Variants in DSCAM observed in about 807,000 individuals in gnomAD.
DSCAM encodes the protein DS cell adhesion molecule.
DSCAM carries 47 observed loss-of-function variants against 217.7 expected under a neutral mutation model. The observed-to-expected ratio is 0.22, with a 90% CI of 0.17 to 0.28. The LOEUF is 0.28. DSCAM is among the 10% of genes least tolerant of loss of function. The pLI, the probability that DSCAM is intolerant of heterozygous loss-of-function variation, is 1.00. For synonymous variants in DSCAM, 1,056 were observed against 1,015.3 expected (o/e 1.04, Z -0.76); for missense variants, 2,080 against 2,618.3 (o/e 0.79, Z 4.49).
rs149862283 is a variant in DSCAM at position 40,248,177 on chromosome 21, C to T, written c.2356+27920G>A. 2.3e-3 allele frequency among the ~76,000 whole-genome samples: 350 copies of T among 152,290 alleles called. 2 individuals are homozygous for T. The highest frequency in any genetic ancestry group is 7.2e-3 in the African/African-American group (301 of 41,576). On this transcript the variant is annotated intron_variant, in intron 11 of 32. Transcript: ENST00000400454. Reference sequence around the variant, plus strand: ...TATGCCTCCAGGTCTGTGATAAGAACGGCTGCTATGAAGACCTCTGACATG... The same window carrying T: ...TATGCCTCCAGGTCTGTGATAAGAATGGCTGCTATGAAGACCTCTGACATG...
intron 3 of DSCAM, among the ~76,000 whole-genome samples, chr21:40,392,983 C>T (rs971311420): frequency 7.2e-5 from 11 of 152,158 alleles, no homozygotes; most frequent in Non-Finnish European, 1.5e-4. Flanking sequence ...TACACATGTA[C>T]AGAATTATTA....
chr21:40,494,625 A>T (rs970682243), intron 3 of DSCAM, among the ~76,000 whole-genome samples: 17 of 152,100 alleles, frequency 1.1e-4, no homozygotes, highest in Non-Finnish European at 2.1e-4. Flanking sequence ...TCTAATAAAG[A>T]AGTTTTTAAC....
intron 1 of DSCAM, among the ~76,000 whole-genome samples, chr21:40,803,289 A>C (rs1256990636): frequency 3.3e-5 from 5 of 152,166 alleles, no homozygotes; most frequent in Admixed American, 1.3e-4. Flanking sequence ...TGACGTTCTC[A>C]TTGCCTCTGT....
At chr21:40,229,208 T>C (rs1336819853) in intron 11 of DSCAM, among the ~76,000 whole-genome samples, 1 of 152,258 alleles carries the variant, frequency 6.6e-6, no homozygotes, top group Non-Finnish European at 1.5e-5. Flanking sequence ...CCTTTAGTCA[T>C]ACAGCTTCCA....
At chr21:40,653,263 A>G (rs1235171587) in intron 3 of DSCAM, among the ~76,000 whole-genome samples, 1 of 152,200 alleles carries the variant, frequency 6.6e-6, no homozygotes. Context: ...ACAGTCCAAC[A>G]TTTCCACATG....
intron 8 of DSCAM, among the ~76,000 whole-genome samples, chr21:40,317,850 T>A (rs1477706531): frequency 6.6e-6 from 1 of 152,118 alleles, no homozygotes; most frequent in East Asian, 1.9e-4. Context: ...TCATTTTGAT[T>A]GAATAATGTT....
intron 32 of DSCAM, among the ~76,000 whole-genome samples, chr21:40,030,705 G>A (rs2088505402): frequency 1.3e-5 from 2 of 152,188 alleles, no homozygotes; most frequent in Non-Finnish European, 2.9e-5. Flanking sequence ...ATTGGCATGT[G>A]CTAATCCTGA....
At chr21:40,757,336 A>G (rs2091286845) in intron 1 of DSCAM, among the ~76,000 whole-genome samples, 1 of 152,076 alleles carries the variant, frequency 6.6e-6, no homozygotes, top group Admixed American at 6.5e-5. Context: ...ATGTGTATAT[A>G]TTGTTACTCT....
At chr21:40,334,821 C>A (rs575561110) in intron 8 of DSCAM, among the ~76,000 whole-genome samples, 1 of 152,014 alleles carries the variant, frequency 6.6e-6, no homozygotes. Context: ...CTAAAAGCAT[C>A]CTTTTAAAAC....
chr21:40,142,991 A>G (rs2090311526), intron 17 of DSCAM, among the ~76,000 whole-genome samples: 1 of 152,046 alleles, frequency 6.6e-6, no homozygotes, highest in African/African-American at 2.4e-5. Context: ...TGAGTCGTGT[A>G]CCCTTCTTAA....
intron 3 of DSCAM, among the ~76,000 whole-genome samples, chr21:40,453,642 G>A (rs935970020): frequency 2.6e-5 from 4 of 152,152 alleles, no homozygotes; most frequent in Non-Finnish European, 5.9e-5. Flanking sequence ...AATATTTGCT[G>A]CTGTTGACAA....
intron 3 of DSCAM, among the ~76,000 whole-genome samples, chr21:40,625,777 AAACAAAT>A (rs2089592912): frequency 6.6e-6 from 1 of 152,164 alleles, no homozygotes; most frequent in Non-Finnish European, 1.5e-5. Context: ...AAAAACACAT[AAACAAAT>A]AACAACAACA....
chr21:40,275,832 C>T (rs2123379824), intron 11 of DSCAM, among the ~76,000 whole-genome samples: 1 of 152,308 alleles, frequency 6.6e-6, no homozygotes, highest in African/African-American at 2.4e-5. Flanking sequence ...ATACCAATGG[C>T]TGTGAGAACC....
intron 4 of DSCAM, among the ~76,000 whole-genome samples, chr21:40,366,377 T>C (rs978890475): frequency 3.9e-5 from 6 of 152,246 alleles, no homozygotes; most frequent in Admixed American, 3.9e-4. Flanking sequence ...ATGCTTTCTG[T>C]TGTGTTTATC....
Position 40,144,426 on chromosome 21 carries a change from C to A in DSCAM, c.3259+65G>T. 6.3e-7 allele frequency: 1 copy of A among 1,593,626 alleles called. No homozygotes were observed. The highest frequency in any genetic ancestry group is 8.6e-7 in the Non-Finnish European group (1 of 1,168,274). Reference sequence around the variant, plus strand: ...GGGGGAGTGCGAGGTTGGGGGAGCCCCGGGGCAGACCCGAGGGAACCTTTG... The same window carrying A: ...GGGGGAGTGCGAGGTTGGGGGAGCCACGGGGCAGACCCGAGGGAACCTTTG... On this transcript the variant is annotated intron_variant, in intron 17 of 32. Coordinates refer to ENST00000400454, the MANE Select transcript of DSCAM (RefSeq NM_001389.5). This position sits in a 1 kb window ranked among gnomAD's most constrained non-coding sequence, Gnocchi z 4.8.
In DSCAM at chr21:40,625,256, T is replaced by G. The variant is rs547136537; in HGVS notation, c.508+67554A>C. Among the ~76,000 whole-genome samples, 353 of 152,144 alleles carry G rather than the reference T, an allele frequency of 2.3e-3. 2 individuals carry two copies. The highest frequency in any genetic ancestry group is 8.0e-3 in the African/African-American group (331 of 41,524). On this transcript the variant is annotated intron_variant, in intron 3 of 32. Transcript: ENST00000400454. ...CACAGAGATATACATGGAGACTAACTGTCCACATTTTCCAAAAGAAAATGA... is the reference window on the plus strand; with the variant it reads ...CACAGAGATATACATGGAGACTAACGGTCCACATTTTCCAAAAGAAAATGA...
In DSCAM at chr21:40,189,231, C is replaced by T. The variant is rs41445950; in HGVS notation, c.2364G>A (p.Ala788=). ...TAGTATTTGGATAGGATGTTATCATCGCAGGAACTGAAAAAGCAAAAGGGA... is the reference window on the plus strand; with the variant it reads ...TAGTATTTGGATAGGATGTTATCATTGCAGGAACTGAAAAAGCAAAAGGGA... ...KSMYLTVKIP[A]MITSYPNTTL... is the part of the protein sequence containing the mutation. Residue 788 remains alanine (A), a synonymous_variant, in exon 12 of 33, where the codon GCG becomes GCA. Coordinates refer to ENST00000400454, the MANE Select transcript of DSCAM (RefSeq NM_001389.5). 209 of 1,571,654 alleles carry T rather than the reference C, an allele frequency of 1.3e-4. No individual in the cohort carries two copies. Among genetic ancestry groups the T allele is most frequent in the Admixed American group, 6.2e-4 (32 of 51,392 alleles).
intron 3 of DSCAM, among the ~76,000 whole-genome samples, chr21:40,424,848 C>T (rs1026655514): frequency 6.6e-6 from 1 of 152,100 alleles, no homozygotes; most frequent in African/African-American, 2.4e-5. Flanking sequence ...AATCCCAGCA[C>T]TTTGGGAGGA....
chr21:40,338,052 A>C (rs1210602489), intron 8 of DSCAM, 49 bp downstream of exon 8: 12 of 1,593,974 alleles, frequency 7.5e-6, no homozygotes, highest in Non-Finnish European at 8.6e-6. Context: ...TCTGGGAAGT[A>C]GTCGGGCTAT....
Sources: allele counts gnomAD v4.1 joint callset (sites outside exome capture counted in the v4.1 genomes callset), GRCh38; gene constraint gnomAD v4.1.1; non-coding constraint Gnocchi (gnomAD v3.1); transcripts MANE v1.5; gene names NCBI Gene and HGNC (gene_info 2026-07-23, HGNC 2026-07-21).